The following CALN1 variants were observed in gnomAD, a reference collection of about 807,000 sequenced individuals.
CALN1 encodes calneuron 1.
CALN1 carries 17 observed loss-of-function variants against 30.6 expected under a neutral mutation model. The ratio of observed to expected loss-of-function variants is 0.56; its 90% CI spans 0.38 to 0.83. CALN1 has a LOEUF of 0.83. Among genes scored for constraint, CALN1 ranks in the 40% least tolerant of loss-of-function variants. The pLI, the probability that CALN1 is intolerant of heterozygous loss-of-function variation, is 0.00. For missense variants in CALN1, 291 were observed against 354.9 expected (o/e 0.82, Z 1.45); for synonymous variants, 156 against 131.4 (o/e 1.19, Z -1.28).
At position 71,952,765 on chromosome 7, in the gene CALN1, C is replaced by T. The variant is rs143523461; in HGVS notation, c.501+70892G>A. Among the ~76,000 whole-genome samples, 1,450 of 152,170 alleles carry T rather than the reference C, an allele frequency of 9.5e-3. 20 individuals are homozygous for T. Among genetic ancestry groups the T allele is most frequent in the African/African-American group, 0.032 (1,315 of 41,522 alleles). ...GAATTCTTTTTTCTAAAACCAAGCC[C>T]CACCATGCTCTTGTCGGCTCGGCCC... On this transcript the variant is annotated intron_variant, in intron 5 of 6. Coordinates refer to ENST00000395275, the MANE Select transcript of CALN1 (RefSeq NM_031468.4).
At chr7:71,903,474 T>C (rs963983632) in intron 5 of CALN1, among the ~76,000 whole-genome samples, 1 of 152,208 alleles carries the variant, frequency 6.6e-6, no homozygotes, top group African/African-American at 2.4e-5. Flanking sequence ...CTTCAATGAA[T>C]GGTGTTGGGA....
rs150264047 is a variant in CALN1, at chr7:72,257,769, G to C, written c.244+20917C>G. On this transcript the variant is annotated intron_variant, in intron 3 of 6. Transcript: ENST00000395275. ...ATGTAGTATATGTTATGTGCACCAC[G>C]GAATACTACTCAGCCATAAAAAGGA... 1.9e-3 allele frequency among the ~76,000 whole-genome samples: 296 copies of C among 152,272 alleles called. 7 individuals are homozygous for C. Among genetic ancestry groups the C allele is most frequent in the African/African-American group, 6.3e-3 (263 of 41,560 alleles).
intron 3 of CALN1, among the ~76,000 whole-genome samples, 172 bp downstream of exon 3, chr7:72,278,514 C>CACACACACA (rs71515105): frequency 9.7e-5 from 14 of 145,044 alleles, no homozygotes; most frequent in Non-Finnish European, 2.1e-4. Flanking sequence ...CACACACACA[C>CACACACACA]GTCACTTGGG....
chr7:72,224,932 C>G (rs541544700), intron 3 of CALN1, among the ~76,000 whole-genome samples: 2 of 151,488 alleles, frequency 1.3e-5, no homozygotes, highest in East Asian at 3.9e-4. Flanking sequence ...ACTAAATACA[C>G]ACACACAAAA....
chr7:72,243,397 C>T (rs1470806793), intron 3 of CALN1, among the ~76,000 whole-genome samples: 1 of 152,152 alleles, frequency 6.6e-6, no homozygotes, highest in Non-Finnish European at 1.5e-5. Context: ...CCAAACTGAC[C>T]ATGATAAGAA....
At chr7:72,042,156 AG>A (rs1563003133) in intron 4 of CALN1, among the ~76,000 whole-genome samples, 1 of 152,138 alleles carries the variant, frequency 6.6e-6, no homozygotes, top group Non-Finnish European at 1.5e-5. Context: ...TATGCATTGG[AG>A]AAATTAAGGT....
At chr7:72,271,573 A>ATATATATATATAT (rs1554345799) in intron 3 of CALN1, among the ~76,000 whole-genome samples, 4 of 23,498 alleles carry the variant, frequency 1.7e-4, no homozygotes, top group African/African-American at 9.0e-4. Context: ...TTAAAAAAAA[A>ATATATATATATAT]AAATATATAT....
chr7:72,212,346 T>C (rs1392286943), intron 3 of CALN1, among the ~76,000 whole-genome samples: 16 of 80,386 alleles, frequency 2.0e-4, no homozygotes, highest in African/African-American at 8.4e-4. Context: ...CAACACACCG[T>C]CTCAAAAAAA....
At chr7:72,502,168 G>A in the CALN1 span, among the ~76,000 whole-genome samples, 1 of 149,116 alleles carries the variant, frequency 6.7e-6, no homozygotes, top group East Asian at 1.9e-4. Context: ...TGCCGTATTA[G>A]AAGAAACCTT....
intron 1 of CALN1, among the ~76,000 whole-genome samples, chr7:72,443,261 G>T (rs887632849): frequency 7.9e-5 from 12 of 152,254 alleles, no homozygotes; most frequent in African/African-American, 2.6e-4. Context: ...AGGAGATTTT[G>T]GGTGTTGTGT....
chr7:72,464,575 A>G, the CALN1 span, among the ~76,000 whole-genome samples: 1 of 152,190 alleles, frequency 6.6e-6, no homozygotes, highest in African/African-American at 2.4e-5. Context: ...CAAGCCCTGC[A>G]GTTAACCCTT....
chr7:72,440,730 A>G (rs1298062619), intron 1 of CALN1, among the ~76,000 whole-genome samples: 2 of 152,192 alleles, frequency 1.3e-5, no homozygotes, highest in African/African-American at 4.8e-5. Context: ...CGGAGGCTGA[A>G]ACAGGAGAAT....
At chr7:72,132,863 C>T (rs1358388241) in intron 3 of CALN1, among the ~76,000 whole-genome samples, 3 of 152,136 alleles carry the variant, frequency 2.0e-5, no homozygotes, top group Non-Finnish European at 4.4e-5. Context: ...CTGTTAGGAA[C>T]CGGGCTGCAG....
chr7:71,940,704 AGCGATCCT>A (rs1796081042), intron 5 of CALN1, among the ~76,000 whole-genome samples: 1 of 152,094 alleles, frequency 6.6e-6, no homozygotes, highest in Non-Finnish European at 1.5e-5. Flanking sequence ...CCAGGGCTCA[AGCGATCCT>A]GCGATCCTCC....
intron 3 of CALN1, among the ~76,000 whole-genome samples, chr7:72,241,397 A>C (rs766907625): frequency 2.0e-5 from 3 of 151,950 alleles, no homozygotes; most frequent in Admixed American, 1.3e-4. Context: ...TTTCCCCCCC[A>C]CACATTTACT....
At chr7:72,084,106 G>A (rs1022343713) in intron 4 of CALN1, among the ~76,000 whole-genome samples, 46 of 152,060 alleles carry the variant, frequency 3.0e-4, no homozygotes, top group African/African-American at 1.1e-3. Context: ...CTACTCAGGA[G>A]GCTGAGGCAG....
At chr7:71,911,655 T>A (rs956777435) in intron 5 of CALN1, among the ~76,000 whole-genome samples, 1 of 152,072 alleles carries the variant, frequency 6.6e-6, no homozygotes, top group Non-Finnish European at 1.5e-5. Flanking sequence ...GGTGTACAGA[T>A]GAAAAATGAG....
At position 72,278,745 on chromosome 7, in the gene CALN1, G is replaced by T. The variant is rs764308374; in HGVS notation, c.185C>A (p.Ser62Ter). ...TTCGCTGTCACTGCCAGCAGAGAGC[G>T]ATCGGTTGAGGTAATTCCCCTTGTA... ...LLYKGNYLNR[S>*]LSAGSDSEQL... Residue 62 changes from serine (S) to a stop codon, truncating the protein, a stop_gained, in exon 3 of 7, where the codon TCG becomes TAG. Coordinates refer to ENST00000395275, the MANE Select transcript of CALN1 (RefSeq NM_031468.4). LOFTEE classifies it high-confidence loss of function. 1 of 1,614,092 alleles carries T rather than the reference G, an allele frequency of 6.2e-7. No homozygotes were observed. Among genetic ancestry groups the T allele is most frequent in the South Asian group, 1.1e-5 (1 of 91,078 alleles).
At chr7:72,151,875 CTATTTTTATTTTT>C (rs1486292635) in intron 3 of CALN1, among the ~76,000 whole-genome samples, 10 of 149,482 alleles carry the variant, frequency 6.7e-5, no homozygotes, top group Non-Finnish European at 1.0e-4. Context: ...CCACACCTGG[CTATTTTTATTTTT>C]TATTTTTATT....
Sources: allele counts gnomAD v4.1 joint callset (sites outside exome capture counted in the v4.1 genomes callset), GRCh38; gene constraint gnomAD v4.1.1; transcripts MANE v1.5; gene names NCBI Gene and HGNC (gene_info 2026-07-23, HGNC 2026-07-21).